DLG2: variants seen among roughly 807,000 people sequenced by gnomAD.
DLG2 encodes the protein disks large homolog 2.
DLG2 carries 45 observed loss-of-function variants against 132.5 expected under a neutral mutation model. That is an observed-to-expected ratio of 0.34 (90% CI 0.27 to 0.44). The LOEUF is 0.44. Ranked by LOEUF, DLG2 falls within the 20% of genes least tolerant of loss-of-function variation. The probability of loss-of-function intolerance (pLI) is 1.00; values close to 1 mark genes in which losing one functional copy is unlikely to be tolerated. For synonymous variants in DLG2, 424 were observed against 419.6 expected (o/e 1.01, Z -0.13); for missense variants, 1,045 against 1,196.9 (o/e 0.87, Z 1.87).
intron 6 of DLG2, among the ~76,000 whole-genome samples, chr11:85,044,479 T>C (rs1241953579): frequency 6.6e-6 from 1 of 152,002 alleles, no homozygotes; most frequent in Non-Finnish European, 1.5e-5. Context: ...TTTCCATGCA[T>C]TATATTCATT....
At chr11:83,992,369 G>A (rs888517235) in intron 11 of DLG2, among the ~76,000 whole-genome samples, 1 of 152,094 alleles carries the variant, frequency 6.6e-6, no homozygotes, top group African/African-American at 2.4e-5. Context: ...ATATAGGTGG[G>A]CGGCCTACCT....
At chr11:84,086,784 C>G (rs1013906935) in intron 10 of DLG2, among the ~76,000 whole-genome samples, 1 of 152,080 alleles carries the variant, frequency 6.6e-6, no homozygotes, top group Non-Finnish European at 1.5e-5. Flanking sequence ...GTCATGGTGC[C>G]CAGCCTAGAA....
At chr11:84,215,534 A>G (rs971814779) in intron 8 of DLG2, among the ~76,000 whole-genome samples, 2 of 152,184 alleles carry the variant, frequency 1.3e-5, no homozygotes, top group African/African-American at 4.8e-5. Context: ...GGTTCAGCTT[A>G]AAGTCCATTG....
chr11:84,913,649 T>C (rs1045808200), intron 6 of DLG2, among the ~76,000 whole-genome samples: 1 of 152,170 alleles, frequency 6.6e-6, no homozygotes, highest in African/African-American at 2.4e-5. Context: ...AGACATGCAT[T>C]CATATACATA....
At chr11:83,730,146 G>GT (rs541441004) in intron 18 of DLG2, among the ~76,000 whole-genome samples, 5,349 of 110,954 alleles carry the variant, frequency 0.048, 159 homozygotes, top group South Asian at 0.073. Context: ...TTTTTTTATG[G>GT]TTTTTTTTTT....
chr11:84,207,241 A>G (rs2096682468), intron 8 of DLG2, among the ~76,000 whole-genome samples: 1 of 152,082 alleles, frequency 6.6e-6, no homozygotes, highest in African/African-American at 2.4e-5. Flanking sequence ...TGAAAAGTCA[A>G]TGAAATGCCA....
intron 19 of DLG2, among the ~76,000 whole-genome samples, chr11:83,551,192 GC>G (rs1464888729): frequency 2.0e-5 from 3 of 152,016 alleles, no homozygotes; most frequent in Admixed American, 2.0e-4. Context: ...ACACATGAGA[GC>G]TTTTAGAATC....
intron 6 of DLG2, among the ~76,000 whole-genome samples, chr11:84,557,464 A>G (rs1027260210): frequency 6.6e-6 from 1 of 152,154 alleles, no homozygotes; most frequent in African/African-American, 2.4e-5. Context: ...TTTCTCTGAT[A>G]TGATCTTTAC....
At chr11:84,832,642 A>G (rs1205224797) in intron 6 of DLG2, among the ~76,000 whole-genome samples, 1 of 151,684 alleles carries the variant, frequency 6.6e-6, no homozygotes, top group Non-Finnish European at 1.5e-5. Context: ...AAGTAATCAT[A>G]CATTATGGGA....
intron 6 of DLG2, among the ~76,000 whole-genome samples, chr11:84,770,824 T>G (rs1200684623): frequency 6.6e-6 from 1 of 151,682 alleles, no homozygotes; most frequent in East Asian, 1.9e-4. Flanking sequence ...TTTTTTTTTT[T>G]TTTAAGTAAG....
At chr11:83,537,509 C>G (rs2095910888) in intron 20 of DLG2, among the ~76,000 whole-genome samples, 2 of 152,076 alleles carry the variant, frequency 1.3e-5, no homozygotes, top group South Asian at 2.1e-4. Context: ...TGAATAATCT[C>G]TTTGGCTTAA....
rs555962490 is a variant in DLG2 at position 84,972,617 on chromosome 11, C to T, written c.357+139044G>A. Among the ~76,000 whole-genome samples, 8 of 152,276 alleles carry T rather than the reference C, an allele frequency of 5.3e-5. 1 individual carries two copies. The highest frequency in any genetic ancestry group is 1.2e-4 in the African/African-American group (5 of 41,550). ...TATGGCATCTACTCTCTTGGTTAAA[C>T]GCTTAACACTAACAGAAGGTGCTAC... On this transcript the variant is annotated intron_variant, in intron 6 of 27. Transcript: ENST00000376104.
At chr11:84,584,825 A>T (rs2099525614) in intron 6 of DLG2, among the ~76,000 whole-genome samples, 2 of 150,228 alleles carry the variant, frequency 1.3e-5, no homozygotes, top group Admixed American at 1.3e-4. Flanking sequence ...AGTAGCTGGG[A>T]CTACAGGCGC....
intron 18 of DLG2, among the ~76,000 whole-genome samples, chr11:83,635,514 T>C (rs2064561229): frequency 6.6e-6 from 1 of 151,652 alleles, no homozygotes; most frequent in South Asian, 2.1e-4. Context: ...TTACCTTCTC[T>C]CTCACTGCTC....
intron 3 of DLG2, among the ~76,000 whole-genome samples, chr11:85,556,624 T>G (rs2076955423): frequency 6.6e-6 from 1 of 151,920 alleles, no homozygotes. Context: ...ATTTACTTAT[T>G]AAGATCATTT....
At chr11:84,457,804 G>A (rs1293763653) in intron 7 of DLG2, among the ~76,000 whole-genome samples, 1 of 150,860 alleles carries the variant, frequency 6.6e-6, no homozygotes, top group Non-Finnish European at 1.5e-5. Context: ...GTGCAAAATT[G>A]ATTAAATACA....
At chr11:83,734,677 A>G (rs554543107) in intron 18 of DLG2, among the ~76,000 whole-genome samples, 38 of 152,062 alleles carry the variant, frequency 2.5e-4, no homozygotes, top group Non-Finnish European at 4.7e-4. Flanking sequence ...TCTTGAACTC[A>G]TGACCTCATG....
intron 10 of DLG2, among the ~76,000 whole-genome samples, chr11:84,097,601 C>A (rs948156003): frequency 2.0e-5 from 3 of 152,198 alleles, no homozygotes; most frequent in Non-Finnish European, 2.9e-5. Context: ...CAGTCATTAA[C>A]AAGTGTCATA....
In DLG2 at chr11:83,463,134, A is replaced by G. The variant is rs1022694216; in HGVS notation, c.2730-1041T>C. ...ACAGAGGCAAGAAGGGATGTGCTTA[A>G]GGCTGTGTATTTAACGAAGAGTAAT... On this transcript the variant is annotated intron_variant, in intron 26 of 27. Coordinates refer to ENST00000376104, the MANE Select transcript of DLG2 (RefSeq NM_001142699.3). Among the ~76,000 whole-genome samples, 23 of 152,198 alleles carry G rather than the reference A, an allele frequency of 1.5e-4. 1 individual carries two copies. Among genetic ancestry groups the G allele is most frequent in the African/African-American group, 2.4e-5 (1 of 41,450 alleles).
Sources: allele counts gnomAD v4.1 joint callset (sites outside exome capture counted in the v4.1 genomes callset), GRCh38; gene constraint gnomAD v4.1.1; transcripts MANE v1.5; gene names NCBI Gene and HGNC (gene_info 2026-07-23, HGNC 2026-07-21).